The following NWD2 variants were observed in gnomAD, a reference collection of about 807,000 sequenced individuals.
NWD2 encodes the protein NACHT and WD repeat domain-containing protein 2.
In NWD2, 37 loss-of-function variants were observed where a neutral mutation model predicts 132.7. The ratio of observed to expected loss-of-function variants is 0.28; its 90% CI spans 0.21 to 0.37. NWD2 has a LOEUF of 0.37. NWD2 is among the 10% of genes least tolerant of loss of function. NWD2 has a pLI of 1.00. For synonymous variants in NWD2, 705 were observed against 803.0 expected (o/e 0.88, Z 2.06); for missense variants, 1,592 against 2,122.4 (o/e 0.75, Z 4.91).
At chr4:37,263,836 G>T (rs566767727) in intron 1 of NWD2, among the ~76,000 whole-genome samples, 2 of 152,222 alleles carry the variant, frequency 1.3e-5, no homozygotes, top group South Asian at 2.1e-4. Flanking sequence ...GAAATGAAAT[G>T]ATTTTTTAGG....
At chr4:37,413,739 A>G (rs1721208311) in intron 3 of NWD2, among the ~76,000 whole-genome samples, 1 of 152,248 alleles carries the variant, frequency 6.6e-6, no homozygotes, top group Admixed American at 6.5e-5. Flanking sequence ...CATCAATGAT[A>G]GACTGGATAA....
chr4:37,247,368 C>T (rs752874494), intron 1 of NWD2, among the ~76,000 whole-genome samples: 3 of 152,168 alleles, frequency 2.0e-5, no homozygotes, highest in African/African-American at 4.8e-5. Flanking sequence ...TTGGCCAATA[C>T]TGAAGAGCCT....
chr4:37,444,176 C>G lies in NWD2; in HGVS notation c.2188C>G (p.Leu730Val), dbSNP rs1345741499. ...IERHVKNVTL[L>V]VWANRHLQLI... Reference sequence around the variant, plus strand: ...AAGACATGTGAAAAATGTCACACTCCTAGTCTGGGCCAACAGACACCTGCA... The same window carrying G: ...AAGACATGTGAAAAATGTCACACTCGTAGTCTGGGCCAACAGACACCTGCA... Residue 730 changes from leucine to valine, a missense_variant, in exon 7 of 7, where the codon CTA becomes GTA. Transcript: ENST00000309447. The surrounding 1 kb of genome is among the most constrained non-coding windows in gnomAD (Gnocchi z 4.8). The G allele has an allele frequency of 6.4e-7, 1 of 1,551,576 alleles. No individual in the cohort carries two copies. Among genetic ancestry groups the G allele is most frequent in the Non-Finnish European group, 8.7e-7 (1 of 1,146,990 alleles).
At chr4:37,378,197 T>A (rs988829978) in intron 3 of NWD2, among the ~76,000 whole-genome samples, 1 of 152,216 alleles carries the variant, frequency 6.6e-6, no homozygotes, top group African/African-American at 2.4e-5. Context: ...CTGCTCCACG[T>A]CCCTGCCAAC....
chr4:37,345,066 C>T (rs1444642726), intron 2 of NWD2, among the ~76,000 whole-genome samples: 2 of 152,112 alleles, frequency 1.3e-5, no homozygotes, highest in African/African-American at 4.8e-5. Context: ...ACTTATTATT[C>T]CTCAATAGTA....
chr4:37,357,309 G>A (rs1410549928), intron 3 of NWD2, among the ~76,000 whole-genome samples: 1 of 152,082 alleles, frequency 6.6e-6, no homozygotes, highest in African/African-American at 2.4e-5. Flanking sequence ...TTAAAAACTA[G>A]ATTCAATATA....
At chr4:37,429,961 C>G (rs1320684098) in intron 3 of NWD2, among the ~76,000 whole-genome samples, 1 of 118,812 alleles carries the variant, frequency 8.4e-6, no homozygotes, top group Non-Finnish European at 2.0e-5. Flanking sequence ...TATTTTCTCA[C>G]ACCTTGACAT....
At chr4:37,381,056 A>G (rs1720443579) in intron 3 of NWD2, among the ~76,000 whole-genome samples, 1 of 152,178 alleles carries the variant, frequency 6.6e-6, no homozygotes, top group South Asian at 2.1e-4. Context: ...GAGCAAAATA[A>G]TCTTTCAAGA....
At position 37,357,467 on chromosome 4, in the gene NWD2, A is replaced by G. The variant is rs556178280; in HGVS notation, c.357+985A>G. Among the ~76,000 whole-genome samples the G allele has an allele frequency of 4.1e-4, 62 of 152,360 alleles. 1 individual carries two copies. The highest frequency in any genetic ancestry group is 1.5e-3 in the African/African-American group (61 of 41,594). The stretch of plus-strand genomic sequence containing the variant: ...GGCTAGTAAAGTGTATAAAGGCTGT[A>G]TCATATAGTATTTGTAGTATTCCAT... On this transcript the variant is annotated intron_variant, in intron 3 of 6. Transcript: ENST00000309447.
At chr4:37,371,072 C>CTTTTTTTTTTTTTTTTTTTTTTTTTT (rs1309185055) in intron 3 of NWD2, among the ~76,000 whole-genome samples, 1 of 100,526 alleles carries the variant, frequency 9.9e-6, no homozygotes, top group African/African-American at 3.9e-5. Flanking sequence ...ATTTTTTTTT[C>CTTTTTTTTTTTTTTTTTTTTTTTTTT]TTTTTCTTTT....
intron 3 of NWD2, among the ~76,000 whole-genome samples, chr4:37,405,484 TAGAATAGAAA>T (rs1254655766): frequency 3.6e-5 from 4 of 110,318 alleles, no homozygotes; most frequent in African/African-American, 6.9e-5. Flanking sequence ...TAGAATAGAA[TAGAATAGAAA>T]ACATCAGGGC....
At chr4:37,333,009 G>A (rs1719325958) in intron 2 of NWD2, among the ~76,000 whole-genome samples, 1 of 152,088 alleles carries the variant, frequency 6.6e-6, no homozygotes, top group East Asian at 1.9e-4. Context: ...CTCTGCTCGT[G>A]AAAAAGGGAG....
chr4:37,348,674 A>ACG (rs1719696250), intron 2 of NWD2, among the ~76,000 whole-genome samples: 1 of 92,200 alleles, frequency 1.1e-5, no homozygotes, highest in Non-Finnish European at 2.4e-5. Context: ...ATATATATAT[A>ACG]TACACACACA....
At chr4:37,314,357 A>T (rs1718915574) in intron 1 of NWD2, among the ~76,000 whole-genome samples, 1 of 152,104 alleles carries the variant, frequency 6.6e-6, no homozygotes, top group Admixed American at 6.5e-5. Context: ...TTTGCAAAGG[A>T]TTAATTTTGT....
chr4:37,340,227 G>T (rs1231717744), intron 2 of NWD2, among the ~76,000 whole-genome samples: 1 of 152,144 alleles, frequency 6.6e-6, no homozygotes, highest in East Asian at 1.9e-4. Flanking sequence ...GGCAGACCAT[G>T]TCACATTTCT....
In NWD2 at chr4:37,271,767, C is replaced by A. The variant is rs963467736; in HGVS notation, c.151+26549C>A. On this transcript the variant is annotated intron_variant, in intron 1 of 6. Transcript: ENST00000309447. ...GCAGACATTTTTTCCTGTTTCCAAT[C>A]TCTGGTTGAGTTTATCATGCTATTC... Among the ~76,000 whole-genome samples, 144 of 151,730 alleles carry A rather than the reference C, an allele frequency of 9.5e-4. 1 individual carries two copies. The highest frequency in any genetic ancestry group is 9.5e-3 in the Admixed American group (144 of 15,176).
chr4:37,308,636 G>T (rs1446207839), intron 1 of NWD2, among the ~76,000 whole-genome samples: 2 of 152,178 alleles, frequency 1.3e-5, no homozygotes, highest in Non-Finnish European at 2.9e-5. Context: ...TCCCTGGGCA[G>T]CAGGGTAGTT....
chr4:37,333,921 G>C (rs545690580), intron 2 of NWD2, among the ~76,000 whole-genome samples: 2 of 152,140 alleles, frequency 1.3e-5, no homozygotes. Flanking sequence ...AAGTGCAGTT[G>C]ACATACTGAG....
Position 37,446,755 on chromosome 4 carries a change from G to A in NWD2, c.4767G>A (p.Glu1589=), listed in dbSNP as rs375977707. Residue 1589 remains glutamate, a synonymous_variant, in exon 7 of 7, where the codon GAG becomes GAA. Transcript: ENST00000309447. The surrounding 1 kb of genome is among the most constrained non-coding windows in gnomAD (Gnocchi z 6.7). ...ACATTTGTTTCCGAAATGGGGAGGAGGAGGATGAAAATGGTGCAATATTCA... is the reference window on the plus strand; with the variant it reads ...ACATTTGTTTCCGAAATGGGGAGGAAGAGGATGAAAATGGTGCAATATTCA... ...LVYICFRNGE[E]EDENGAIFSL... The A allele has an allele frequency of 2.5e-5, 39 of 1,551,668 alleles. No individual in the cohort carries two copies. Among genetic ancestry groups the A allele is most frequent in the Non-Finnish European group, 3.4e-5 (39 of 1,147,032 alleles).
Sources: gnomAD v4.1 joint callset for allele counts (sites outside exome capture counted in the v4.1 genomes callset) on GRCh38, gnomAD v4.1.1 for gene constraint, Gnocchi (gnomAD v3.1) non-coding constraint, MANE v1.5 for transcripts, NCBI Gene and HGNC (gene_info 2026-07-23, HGNC 2026-07-21) for gene names.